Variants in MACROD2 observed in about 807,000 individuals in gnomAD.
MACROD2 encodes mono-ADP ribosylhydrolase 2, also known as ADP-ribose glycohydrolase MACROD2.
Under a neutral mutation model 70.4 loss-of-function variants are expected in MACROD2, and 36 were observed. The observed-to-expected ratio is 0.51, with a 90% CI of 0.39 to 0.68. The LOEUF is 0.68. Among genes scored for constraint, MACROD2 ranks in the 30% least tolerant of loss-of-function variants. The pLI is 0.00. For missense variants in MACROD2, 496 were observed against 538.4 expected (o/e 0.92, Z 0.78); for synonymous variants, 172 against 178.8 (o/e 0.96, Z 0.30).
chr20:14,944,785 G>A (rs1224763473), intron 5 of MACROD2, among the ~76,000 whole-genome samples: 2 of 152,110 alleles, frequency 1.3e-5, no homozygotes, highest in Non-Finnish European at 2.9e-5. Context: ...AGGACACCTT[G>A]CCCATAAGCC....
At chr20:15,710,633 A>G (rs2050612877) in intron 8 of MACROD2, among the ~76,000 whole-genome samples, 1 of 152,166 alleles carries the variant, frequency 6.6e-6, no homozygotes. Flanking sequence ...ATTAAAGGAA[A>G]CCCTGTCAAG....
chr20:14,607,142 C>T (rs1462960382), intron 4 of MACROD2, among the ~76,000 whole-genome samples: 1 of 152,072 alleles, frequency 6.6e-6, no homozygotes, highest in Non-Finnish European at 1.5e-5. Context: ...ATAGCTAACC[C>T]CTTTGGTTTC....
At chr20:14,093,913 G>T (rs2148674288) in intron 3 of MACROD2, among the ~76,000 whole-genome samples, 1 of 151,960 alleles carries the variant, frequency 6.6e-6, no homozygotes, top group East Asian at 1.9e-4. Flanking sequence ...GGCTGAGTGT[G>T]CTTGGAGCAA....
At chr20:15,862,074 A>G (rs1432479227) in intron 8 of MACROD2, among the ~76,000 whole-genome samples, 1 of 152,230 alleles carries the variant, frequency 6.6e-6, no homozygotes, top group African/African-American at 2.4e-5. Flanking sequence ...CTTTACATAC[A>G]GAAGTTCCCT....
intron 8 of MACROD2, among the ~76,000 whole-genome samples, chr20:15,778,107 C>G (rs947499230): frequency 2.0e-5 from 3 of 152,074 alleles, no homozygotes; most frequent in African/African-American, 7.2e-5. Flanking sequence ...GTCAATCTTA[C>G]GTATGTTAGA....
At chr20:14,318,749 C>A (rs1322283412) in intron 3 of MACROD2, among the ~76,000 whole-genome samples, 2 of 152,162 alleles carry the variant, frequency 1.3e-5, no homozygotes, top group African/African-American at 4.8e-5. Flanking sequence ...GGTGCAATGC[C>A]CTTCCCACTC....
At chr20:14,255,013 G>C (rs942973923) in intron 3 of MACROD2, among the ~76,000 whole-genome samples, 1 of 151,562 alleles carries the variant, frequency 6.6e-6, no homozygotes, top group Non-Finnish European at 1.5e-5. Context: ...GCTTAGTTTG[G>C]CTGGATATGA....
intron 5 of MACROD2, among the ~76,000 whole-genome samples, chr20:14,962,846 C>G (rs561796236): frequency 1.3e-5 from 2 of 151,864 alleles, no homozygotes; most frequent in South Asian, 4.2e-4. Flanking sequence ...TTATTTGGTC[C>G]ACATTCCCGT....
chr20:15,474,763 G>A (rs1331084073), intron 7 of MACROD2, among the ~76,000 whole-genome samples: 1 of 152,154 alleles, frequency 6.6e-6, no homozygotes, highest in East Asian at 1.9e-4. Flanking sequence ...TCAGAGTGGG[G>A]AGGTTGTCAC....
At chr20:15,728,805 T>C (rs1485379378) in intron 8 of MACROD2, among the ~76,000 whole-genome samples, 3 of 152,014 alleles carry the variant, frequency 2.0e-5, no homozygotes, top group Non-Finnish European at 4.4e-5. Context: ...GACTAGCTAG[T>C]GTCCTATAAA....
chr20:14,346,478 G>C (rs1281288680), intron 3 of MACROD2, among the ~76,000 whole-genome samples: 2 of 152,118 alleles, frequency 1.3e-5, no homozygotes, highest in African/African-American at 4.8e-5. Flanking sequence ...TAATATAGCT[G>C]ATTTCTAGTA....
intron 3 of MACROD2, among the ~76,000 whole-genome samples, chr20:14,339,834 A>G (rs1262561738): frequency 6.6e-6 from 1 of 152,208 alleles, no homozygotes; most frequent in Non-Finnish European, 1.5e-5. Flanking sequence ...AATATATTCT[A>G]TACTGGGGTA....
At chr20:15,567,087 A>G (rs2146618049) in intron 8 of MACROD2, among the ~76,000 whole-genome samples, 1 of 146,332 alleles carries the variant, frequency 6.8e-6, no homozygotes, top group East Asian at 1.9e-4. Context: ...TCTGTTTTAA[A>G]TAACTATTGT....
chr20:14,083,139 AAG>A (rs2054022167), intron 2 of MACROD2, among the ~76,000 whole-genome samples: 1 of 150,380 alleles, frequency 6.6e-6, no homozygotes, highest in Non-Finnish European at 1.5e-5. Flanking sequence ...AAAAAAAAAA[AAG>A]GTAGTTTTGG....
chr20:14,248,242 TCTAA>T (rs1309626472), intron 3 of MACROD2, among the ~76,000 whole-genome samples: 1 of 152,186 alleles, frequency 6.6e-6, no homozygotes, highest in Non-Finnish European at 1.5e-5. Flanking sequence ...ACCTTTGCTT[TCTAA>T]CTATTTAACG....
chr20:15,160,939 T>C (rs1487083324), intron 5 of MACROD2, among the ~76,000 whole-genome samples: 1 of 151,486 alleles, frequency 6.6e-6, no homozygotes, highest in Admixed American at 6.6e-5. Flanking sequence ...GAGATAGAAG[T>C]TTTGCAGGAA....
chr20:15,564,736 T>C (rs1194907160), intron 8 of MACROD2, among the ~76,000 whole-genome samples: 1 of 152,226 alleles, frequency 6.6e-6, no homozygotes, highest in Non-Finnish European at 1.5e-5. Flanking sequence ...GCTGGTAATA[T>C]GTTTACCAGA....
chr20:15,829,109 C>T (rs186277564), intron 8 of MACROD2, among the ~76,000 whole-genome samples: 3 of 147,524 alleles, frequency 2.0e-5, no homozygotes, highest in Non-Finnish European at 3.0e-5. Flanking sequence ...TGATTATTAT[C>T]GGAAAAAAAA....
intron 5 of MACROD2, among the ~76,000 whole-genome samples, chr20:15,214,266 T>C (rs2076789691): frequency 1.3e-5 from 2 of 152,174 alleles, no homozygotes; most frequent in Admixed American, 6.5e-5. Flanking sequence ...TGCTAGCAAC[T>C]GCTGAGGTTT....
Sources: gnomAD v4.1 joint callset for allele counts (sites outside exome capture counted in the v4.1 genomes callset) on GRCh38, gnomAD v4.1.1 for gene constraint, MANE v1.5 for transcripts, NCBI Gene and HGNC (gene_info 2026-07-23, HGNC 2026-07-21) for gene names.